RSF1: variants seen among roughly 807,000 people sequenced by gnomAD.
RSF1 encodes HBV pX-associated protein 8.
In RSF1, 13 loss-of-function variants were observed where a neutral mutation model predicts 145.2. The observed-to-expected ratio is 0.09, with a 90% CI of 0.06 to 0.14. The LOEUF (loss-of-function observed/expected upper bound fraction) is 0.14. Among genes scored for constraint, RSF1 ranks in the 10% least tolerant of loss-of-function variants. RSF1 has a pLI of 1.00. For missense variants in RSF1, 1,517 were observed against 1,718.2 expected (o/e 0.88, Z 2.07); for synonymous variants, 577 against 592.6 (o/e 0.97, Z 0.38).
the RSF1 span, among the ~76,000 whole-genome samples, chr11:77,843,934 C>T: frequency 4.6e-5 from 7 of 152,222 alleles, no homozygotes; most frequent in Non-Finnish European, 7.4e-5. Context: ...GAGAAACTCT[C>T]GTTTTTAAAA....
At chr11:77,792,387 C>T (rs1667541676) in intron 1 of RSF1, among the ~76,000 whole-genome samples, 1 of 152,112 alleles carries the variant, frequency 6.6e-6, no homozygotes, top group Non-Finnish European at 1.5e-5. Context: ...GCCCATGCTG[C>T]CCTACTGGCA....
chr11:77,791,002 C>A (rs1362505950), intron 1 of RSF1, among the ~76,000 whole-genome samples: 1 of 152,224 alleles, frequency 6.6e-6, no homozygotes, highest in Non-Finnish European at 1.5e-5. Flanking sequence ...CTTCTCACAG[C>A]TCCACTAGGC....
At chr11:77,756,912 C>A (rs543643608) in intron 2 of RSF1, among the ~76,000 whole-genome samples, 1 of 152,074 alleles carries the variant, frequency 6.6e-6, no homozygotes, top group African/African-American at 2.4e-5. Flanking sequence ...GAGGAAGAGA[C>A]AATCGTAAAC....
chr11:77,726,416 T>C lies in RSF1; in HGVS notation c.579-717A>G, dbSNP rs571550364. 2.0e-4 allele frequency among the ~76,000 whole-genome samples: 31 copies of C among 152,204 alleles called. No homozygotes were observed. The South Asian group carries it at 6.0e-3, about 30-fold the overall frequency. ...TTCCCAGGCTCAAGACCCTCCTACC[T>C]CAGCCTCCCAAGTAGCTAGGACTAC... On this transcript the variant is annotated intron_variant, in intron 4 of 15. Transcript: ENST00000308488.
At chr11:77,823,970 G>A (rs1949057688), upstream of RSF1, among the ~76,000 whole-genome samples, 3 of 151,608 alleles carry the variant, frequency 2.0e-5, no homozygotes, top group South Asian at 6.3e-4. Flanking sequence ...TGCTCACACT[G>A]TTAGTCAAAC....
At chr11:77,856,595 C>T in the RSF1 span, among the ~76,000 whole-genome samples, 1 of 152,142 alleles carries the variant, frequency 6.6e-6, no homozygotes, top group Non-Finnish European at 1.5e-5. Context: ...ACAGGCTGTA[C>T]AGGAAGCATA....
At chr11:77,812,844 C>A (rs1049978520) in intron 1 of RSF1, among the ~76,000 whole-genome samples, 1 of 145,214 alleles carries the variant, frequency 6.9e-6, no homozygotes, top group East Asian at 2.0e-4. Flanking sequence ...GAGCTGGGAT[C>A]GCACTACTAC....
chr11:77,815,441 T>C (rs1174036867), intron 1 of RSF1, among the ~76,000 whole-genome samples: 1 of 152,050 alleles, frequency 6.6e-6, no homozygotes, highest in African/African-American at 2.4e-5. Context: ...TCAGGTAGAG[T>C]AAAATTTTAT....
chr11:77,841,073 T>C, the RSF1 span: 1 of 637,656 alleles, frequency 1.6e-6, no homozygotes, highest in Non-Finnish European at 2.9e-6. Flanking sequence ...GAGAGCCTTC[T>C]TGCTGCATCA....
Position 77,667,438 on chromosome 11 carries a change from G to T in RSF1, c.3805C>A (p.Arg1269=). The change falls in exon 16 of 16, where the codon CGG becomes AGG. Residue 1269 remains arginine (R), a synonymous_variant. Coordinates refer to ENST00000308488, the MANE Select transcript of RSF1 (RefSeq NM_016578.4). ...EDDELAKESK[R]SVRKRGRSTD... ...CTTCGGCCCCGCTTTCGAACTGACC[G>T]CTTTGATTCTTTAGCTAGCTCATCA... The T allele has an allele frequency of 1.9e-6, 3 of 1,613,284 alleles. No individual in the cohort carries two copies. Among genetic ancestry groups the T allele is most frequent in the Non-Finnish European group, 2.5e-6 (3 of 1,179,984 alleles).
rs1034795247 is a variant in RSF1 at position 77,662,054 on chromosome 11, A to G, written c.*4863T>C. 1 of 152,154 alleles carries G rather than the reference A, an allele frequency of 6.6e-6. No individual in the cohort carries two copies. The highest frequency in any genetic ancestry group is 1.5e-5 in the Non-Finnish European group (1 of 68,006). The allele number at this position is 152,154 out of a possible 1,614,324, so 9.4% of individuals were successfully genotyped here. On this transcript the variant is annotated 3_prime_UTR_variant, in exon 16 of 16. Transcript: ENST00000308488. ...GAGGCAAGTATTCAGTCCTTAGCAC[A>G]CTTTCTAACTTGTACCGGTTTGGCC...
chr11:77,772,230 G>C (rs947202038), intron 1 of RSF1, among the ~76,000 whole-genome samples: 1 of 151,852 alleles, frequency 6.6e-6, no homozygotes, highest in Non-Finnish European at 1.5e-5. Context: ...GAGTGCAGTG[G>C]CACATCATGG....
At chr11:77,826,862 T>C in the RSF1 span, among the ~76,000 whole-genome samples, 4 of 152,328 alleles carry the variant, frequency 2.6e-5, no homozygotes, top group Admixed American at 2.6e-4. Context: ...CCCAGCACTT[T>C]GAGAGGCCGA....
At chr11:77,711,282 A>T (rs1380974698) in intron 5 of RSF1, among the ~76,000 whole-genome samples, 2 of 152,188 alleles carry the variant, frequency 1.3e-5, no homozygotes, top group Non-Finnish European at 2.9e-5. Context: ...TACAATTAAG[A>T]TATCATACTA....
chr11:77,682,419 A>G (rs1959887728), intron 11 of RSF1, among the ~76,000 whole-genome samples: 1 of 152,218 alleles, frequency 6.6e-6, no homozygotes, highest in African/African-American at 2.4e-5. Context: ...ATGATCTAAA[A>G]TAACTAAAAT....
At chr11:77,768,331 T>C (rs1484811878) in intron 1 of RSF1, among the ~76,000 whole-genome samples, 1 of 151,922 alleles carries the variant, frequency 6.6e-6, no homozygotes, top group African/African-American at 2.4e-5. Context: ...CCTGGCTGAT[T>C]TTTATATTTT....
At chr11:77,671,631 T>C (rs1959553579) in intron 15 of RSF1, among the ~76,000 whole-genome samples, 1 of 118,288 alleles carries the variant, frequency 8.5e-6, no homozygotes, top group Middle Eastern at 4.0e-3. Flanking sequence ...ACTGGTTATA[T>C]GGATTTTTTT....
intron 1 of RSF1, among the ~76,000 whole-genome samples, chr11:77,812,061 C>T (rs1948737013): frequency 6.6e-6 from 1 of 152,000 alleles, no homozygotes; most frequent in South Asian, 2.1e-4. Context: ...GCCTGTAGTC[C>T]CCAGCAACTT....
intron 15 of RSF1, among the ~76,000 whole-genome samples, chr11:77,669,647 G>T (rs919536047): frequency 6.6e-6 from 1 of 152,216 alleles, no homozygotes; most frequent in Non-Finnish European, 1.5e-5. Flanking sequence ...AGTGGCTATT[G>T]TAACGATCAG....
Sources: allele counts gnomAD v4.1 joint callset (sites outside exome capture counted in the v4.1 genomes callset), GRCh38; gene constraint gnomAD v4.1.1; transcripts MANE v1.5; gene names NCBI Gene and HGNC (gene_info 2026-07-23, HGNC 2026-07-21).